DAOA: variants seen among roughly 807,000 people sequenced by gnomAD.
DAOA encodes D-amino acid oxidase regulator.
Under a neutral mutation model 16.4 loss-of-function variants are expected in DAOA, and 15 were observed. That is an observed-to-expected ratio of 0.91 (90% CI 0.61 to 1.41). DAOA has a LOEUF of 1.41. DAOA is among the 40% of genes most tolerant of loss of function. The pLI is 0.00. For missense variants in DAOA, 230 were observed against 176.8 expected, an observed-to-expected ratio of 1.30 and a Z score of -1.71; for synonymous variants, 75 against 59.1, an observed-to-expected ratio of 1.27 and a Z score of -1.23.
chr13:105,485,787 A>G (rs1878062460), intron 4 of DAOA, among the ~76,000 whole-genome samples: 1 of 152,182 alleles, frequency 6.6e-6, no homozygotes, highest in South Asian at 2.1e-4. Flanking sequence ...GTGATATTCC[A>G]ACAAGCAAGG....
chr13:105,471,079 T>C lies in DAOA; in HGVS notation c.134-1459T>C, dbSNP rs191185724. Among the ~76,000 whole-genome samples, 459 of 152,058 alleles carry C rather than the reference T, an allele frequency of 3.0e-3. 3 individuals are homozygous for C. The highest frequency in any genetic ancestry group is 9.1e-3 in the African/African-American group (379 of 41,476). Reference sequence around the variant, plus strand: ...CTGGGATTACAGGCATGAGCCACCGTGCCCGGCCAATTTTTTTGTATTCTT... The same window carrying C: ...CTGGGATTACAGGCATGAGCCACCGCGCCCGGCCAATTTTTTTGTATTCTT... On this transcript the variant is annotated intron_variant, in intron 3 of 5. Transcript: ENST00000375936.
chr13:105,490,239 T>C (rs1878424437), intron 5 of DAOA, 47 bp downstream of exon 5: 16 of 926,382 alleles, frequency 1.7e-5, no homozygotes, highest in Non-Finnish European at 2.0e-5. Flanking sequence ...TTTTATGAAA[T>C]ATAATTTTTA....
chr13:105,468,255 A>G (rs1876676428), intron 3 of DAOA, among the ~76,000 whole-genome samples: 1 of 152,248 alleles, frequency 6.6e-6, no homozygotes, highest in Admixed American at 6.5e-5. Context: ...TTTGTTACAC[A>G]AGATTCCACA....
Position 105,490,168 on chromosome 13 carries a change from T to TCTGGGAC in DAOA, c.*89_*95dup. The TCTGGGAC allele has an allele frequency of 7.0e-7, 1 of 1,430,232 alleles. No individual in the cohort carries two copies. Among genetic ancestry groups the TCTGGGAC allele is most frequent in the South Asian group, 1.6e-5 (1 of 62,654 alleles). 88.6% of individuals were successfully genotyped at this position (1,430,232 alleles called of 1,614,324 possible). A position where few individuals can be genotyped will look rare whatever the true frequency, so the allele number is the denominator to read the frequency against. ...TCACTGGACTCTGACGGACTCTGTGTCTGGGACCCAGCTGATAACACGTGG... is the reference window on the plus strand; with the variant it reads ...TCACTGGACTCTGACGGACTCTGTGTCTGGGACCTGGGACCCAGCTGATAACACGTGG... On this transcript the variant is annotated 3_prime_UTR_variant, in exon 5 of 6. Transcript: ENST00000375936.
intron 4 of DAOA, among the ~76,000 whole-genome samples, chr13:105,487,516 C>G (rs924788861): frequency 6.6e-6 from 1 of 151,834 alleles, no homozygotes; most frequent in Non-Finnish European, 1.5e-5. Flanking sequence ...GATACCTTTT[C>G]CCTTTGTTCC....
chr13:105,483,056 T>C (rs1877862603), intron 4 of DAOA, among the ~76,000 whole-genome samples: 1 of 152,136 alleles, frequency 6.6e-6, no homozygotes, highest in Non-Finnish European at 1.5e-5. Context: ...TCCCTCTCCT[T>C]CCTCTCCCCA....
intron 4 of DAOA, among the ~76,000 whole-genome samples, chr13:105,478,343 C>T (rs201156564): frequency 5.9e-5 from 9 of 152,128 alleles, no homozygotes; most frequent in South Asian, 2.1e-4. Context: ...TCCCTTAGTA[C>T]GCATTCAATA....
intron 4 of DAOA, among the ~76,000 whole-genome samples, chr13:105,489,176 T>C (rs1037753530): frequency 3.0e-4 from 46 of 152,158 alleles, no homozygotes; most frequent in African/African-American, 1.1e-3. Flanking sequence ...ATAAATGCGT[T>C]ATTTTCCTGA....
intron 4 of DAOA, among the ~76,000 whole-genome samples, chr13:105,473,439 A>G (rs1594107948): frequency 6.6e-6 from 1 of 152,234 alleles, no homozygotes; most frequent in Non-Finnish European, 1.5e-5. Context: ...TTAGAATAGT[A>G]TAAACATTAA....
chr13:105,484,950 A>T (rs569029867), intron 4 of DAOA, among the ~76,000 whole-genome samples: 59 of 152,206 alleles, frequency 3.9e-4, no homozygotes, highest in Admixed American at 1.0e-3. Context: ...TGGCTGCCTG[A>T]TGTTTTTTGT....
intron 4 of DAOA, among the ~76,000 whole-genome samples, chr13:105,487,600 A>G (rs895894595): frequency 6.6e-6 from 1 of 152,144 alleles, no homozygotes; most frequent in Non-Finnish European, 1.5e-5. Context: ...AGAAAAAAAA[A>G]AAACGGTTTG....
At chr13:105,489,664 T>G in intron 4 of DAOA, 1 of 915,340 alleles carries the variant, frequency 1.1e-6, no homozygotes, top group Non-Finnish European at 1.6e-6. Flanking sequence ...TTTATGCTTT[T>G]TCACAGTCTT....
At position 105,483,998 on chromosome 13, in the gene DAOA, AG is replaced by A. The variant is rs1399195771; in HGVS notation, c.282-5902del. Among the ~76,000 whole-genome samples the A allele has an allele frequency of 8.2e-4, 125 of 152,180 alleles. 3 individuals are homozygous for A. The highest frequency in any genetic ancestry group is 2.8e-3 in the African/African-American group (115 of 41,550). On this transcript the variant is annotated intron_variant, in intron 4 of 5. Coordinates refer to ENST00000375936, the MANE Select transcript of DAOA (RefSeq NM_172370.5). ...TTAGTCTCATATGTTTTCTTCCATG[AG>A]TTTTATAGTTAAAGATTTTACACCA... is the stretch of plus-strand genomic sequence containing the variant.
chr13:105,470,514 C>T (rs12584039), intron 3 of DAOA, among the ~76,000 whole-genome samples: 5,583 of 152,232 alleles, frequency 0.037, 131 homozygotes, highest in East Asian at 0.066. Context: ...AGAAGCTAGA[C>T]GGTAAAAGCA....
At chr13:105,489,631 T>C in intron 4 of DAOA, 1 of 703,424 alleles carries the variant, frequency 1.4e-6, no homozygotes, top group Non-Finnish European at 2.2e-6. Flanking sequence ...ACGTCCTCAA[T>C]TCTCAGGCAA....
chr13:105,484,932 T>C (rs1055102700), intron 4 of DAOA, among the ~76,000 whole-genome samples: 5 of 152,198 alleles, frequency 3.3e-5, no homozygotes, highest in Non-Finnish European at 7.3e-5. Context: ...TGCTTATTTT[T>C]CTGTCCTTGG....
intron 3 of DAOA, chr13:105,467,583 C>CTTT (rs71114923): frequency 2.9e-4 from 40 of 137,252 alleles, no homozygotes; most frequent in African/African-American, 6.5e-4. Flanking sequence ...AATTCTTTTT[C>CTTT]TTTTTTTTTT....
At chr13:105,478,608 C>A (rs1275757898) in intron 4 of DAOA, among the ~76,000 whole-genome samples, 1 of 152,186 alleles carries the variant, frequency 6.6e-6, no homozygotes, top group Non-Finnish European at 1.5e-5. Context: ...AGACTAGAAC[C>A]TTCTCTGCAC....
chr13:105,490,133 G>A lies in DAOA; in HGVS notation c.*52G>A. 1 of 1,514,830 alleles carries A rather than the reference G, an allele frequency of 6.6e-7. No individual in the cohort carries two copies. Among genetic ancestry groups the A allele is most frequent in the Non-Finnish European group, 8.9e-7 (1 of 1,126,544 alleles). 93.8% of individuals were successfully genotyped at this position (1,514,830 alleles called of 1,614,324 possible). A position where few individuals can be genotyped will look rare whatever the true frequency, so the allele number is the denominator to read the frequency against. On this transcript the variant is annotated 3_prime_UTR_variant, in exon 5 of 6. Coordinates refer to ENST00000375936, the MANE Select transcript of DAOA (RefSeq NM_172370.5). ...ATCCTTCTGATGACAATGTAGTCTG[G>A]CCAACATCTTCACTGGACTCTGACG... is the stretch of plus-strand genomic sequence containing the variant.
Sources: gnomAD v4.1 joint callset for allele counts (sites outside exome capture counted in the v4.1 genomes callset) on GRCh38, gnomAD v4.1.1 for gene constraint, MANE v1.5 for transcripts, NCBI Gene and HGNC (gene_info 2026-07-23, HGNC 2026-07-21) for gene names.